Variants in GLRA1 observed in about 807,000 individuals in gnomAD.
GLRA1 encodes glycine receptor subunit alpha-1.
GLRA1 carries 37 observed loss-of-function variants against 48.3 expected under a neutral mutation model. The observed-to-expected ratio is 0.77, with a 90% CI of 0.59 to 1.01. GLRA1 has a LOEUF of 1.01. Ranked by LOEUF, GLRA1 falls within the 50% of genes least tolerant of loss-of-function variation. GLRA1 has a pLI of 0.00. For missense variants in GLRA1, 427 were observed against 571.0 expected (o/e 0.75, Z 2.57); for synonymous variants, 196 against 210.7 (o/e 0.93, Z 0.60).
rs182476621 is a variant in GLRA1, at chr5:151,859,404, A to G, written c.476+381T>C. On this transcript the variant is annotated intron_variant, in intron 4 of 8. Coordinates refer to ENST00000274576, the MANE Select transcript of GLRA1 (RefSeq NM_000171.4). Reference sequence around the variant, plus strand: ...CCGTGAGCAACACCATCCACCTGGCAGGCTCATTTACTTTGAAGTTGCTGT... The same window carrying G: ...CCGTGAGCAACACCATCCACCTGGCGGGCTCATTTACTTTGAAGTTGCTGT... 5.3e-5 allele frequency among the ~76,000 whole-genome samples: 8 copies of G among 152,322 alleles called. No homozygotes were observed. In the East Asian group the frequency reaches 1.5e-3, roughly 29 times the overall value.
intron 1 of GLRA1, among the ~76,000 whole-genome samples, chr5:151,910,550 C>T (rs552897159): frequency 4.6e-5 from 7 of 152,292 alleles, no homozygotes; most frequent in East Asian, 3.9e-4. Context: ...CTCCACTCCT[C>T]GTAATCATTC....
intron 7 of GLRA1, among the ~76,000 whole-genome samples, chr5:151,841,892 A>G (rs1379308071): frequency 6.6e-6 from 1 of 152,112 alleles, no homozygotes; most frequent in Non-Finnish European, 1.5e-5. Flanking sequence ...CCCCATCTCT[A>G]CTAAAAATAC....
chr5:151,856,483 G>T, intron 4 of GLRA1, 100 bp from the exon 5 acceptor site: 1 of 769,800 alleles, frequency 1.3e-6, no homozygotes, highest in Non-Finnish European at 2.4e-6. Context: ...CCAGGATAGG[G>T]AAAGAAGGTC....
At chr5:151,829,600 A>T (rs1763373672) in intron 7 of GLRA1, among the ~76,000 whole-genome samples, 2 of 152,362 alleles carry the variant, frequency 1.3e-5, no homozygotes, top group South Asian at 2.1e-4. Context: ...AGTGTTTAAA[A>T]GTGTTATTGA....
At chr5:151,869,405 T>C (rs1309725852) in intron 3 of GLRA1, among the ~76,000 whole-genome samples, 1 of 151,508 alleles carries the variant, frequency 6.6e-6, no homozygotes, top group Non-Finnish European at 1.5e-5. Context: ...CATAGAACTT[T>C]CTATGTATCA....
At chr5:151,906,629 T>G (rs1335265253) in intron 1 of GLRA1, among the ~76,000 whole-genome samples, 1 of 152,174 alleles carries the variant, frequency 6.6e-6, no homozygotes, top group Non-Finnish European at 1.5e-5. Flanking sequence ...AATAAAATAA[T>G]TTTTTTGAGT....
intron 3 of GLRA1, among the ~76,000 whole-genome samples, chr5:151,871,471 A>G (rs989324937): frequency 1.0e-5 from 1 of 95,846 alleles, no homozygotes; most frequent in Non-Finnish European, 2.3e-5. Flanking sequence ...AATTGGAGAG[A>G]TGTACTAATA....
intron 3 of GLRA1, among the ~76,000 whole-genome samples, chr5:151,881,461 G>T (rs1240135971): frequency 6.7e-6 from 1 of 149,950 alleles, no homozygotes; most frequent in Non-Finnish European, 1.5e-5. Context: ...GGAGTAGCTG[G>T]AACTACAAGC....
At chr5:151,860,864 T>C (rs566235983) in intron 3 of GLRA1, among the ~76,000 whole-genome samples, 1 of 152,356 alleles carries the variant, frequency 6.6e-6, no homozygotes, top group South Asian at 2.1e-4. Context: ...CTCCTAGTGC[T>C]ATCCCTCCCC....
intron 1 of GLRA1, among the ~76,000 whole-genome samples, chr5:151,909,266 A>C (rs1162857294): frequency 6.6e-6 from 1 of 152,226 alleles, no homozygotes; most frequent in Non-Finnish European, 1.5e-5. Context: ...AGCAAATTAC[A>C]CAAAGGGTGA....
chr5:151,822,668 A>T lies in GLRA1; in HGVS notation c.*5T>A, dbSNP rs747687321. ...CTCCCAGCCTCCCCCAACCTTTCAG[A>T]CCCTTCACTGGTTGTGGACGTCCTC... is the stretch of plus-strand genomic sequence containing the variant. On this transcript the variant is annotated 3_prime_UTR_variant, in exon 9 of 9. Coordinates refer to ENST00000274576, the MANE Select transcript of GLRA1 (RefSeq NM_000171.4). 4.4e-6 allele frequency: 7 copies of T among 1,603,300 alleles called. No individual in the cohort carries two copies. Among genetic ancestry groups the T allele is most frequent in the African/African-American group, 4.0e-5 (3 of 74,482 alleles).
At chr5:151,917,464 A>C (rs564785631) in intron 1 of GLRA1, among the ~76,000 whole-genome samples, 1 of 152,322 alleles carries the variant, frequency 6.6e-6, no homozygotes, top group East Asian at 1.9e-4. Context: ...TTGAGGTGTG[A>C]TTGACATACA....
chr5:151,822,552 T>G lies in GLRA1; in HGVS notation c.*121A>C. The G allele has an allele frequency of 1.3e-6, 1 of 750,962 alleles. No individual in the cohort carries two copies. The highest frequency in any genetic ancestry group is 2.6e-5 in the East Asian group (1 of 38,872). 46.5% of individuals were successfully genotyped at this position (750,962 alleles called of 1,614,324 possible). On this transcript the variant is annotated 3_prime_UTR_variant, in exon 9 of 9. Transcript: ENST00000274576. ...CACTGCATTTTGCTATTGCACATAT[T>G]GCAGAGAGAGTTGTGTAAGTGTGCC...
At chr5:151,860,175 A>G (rs370889887) in intron 3 of GLRA1, among the ~76,000 whole-genome samples, 167 bp from the exon 4 acceptor site, 2 of 152,296 alleles carry the variant, frequency 1.3e-5, no homozygotes, top group African/African-American at 4.8e-5. Flanking sequence ...AGGCAAAACC[A>G]TGGGAGTCAT....
intron 1 of GLRA1, among the ~76,000 whole-genome samples, chr5:151,899,386 G>A (rs1257787616): frequency 6.6e-6 from 1 of 152,172 alleles, no homozygotes; most frequent in African/African-American, 2.4e-5. Context: ...TTCAAATTGT[G>A]TATTCAGGGG....
At chr5:151,905,740 A>G (rs1754459426) in intron 1 of GLRA1, among the ~76,000 whole-genome samples, 1 of 148,094 alleles carries the variant, frequency 6.8e-6, no homozygotes, top group South Asian at 2.1e-4. Flanking sequence ...GTCAACGGTG[A>G]GTAAGTAAAA....
At chr5:151,881,309 CT>C (rs1753755155) in intron 3 of GLRA1, among the ~76,000 whole-genome samples, 1 of 139,916 alleles carries the variant, frequency 7.1e-6, no homozygotes, top group Non-Finnish European at 1.5e-5. Context: ...ACGTTTCTTT[CT>C]TTTTGTTTTT....
chr5:151,823,821 C>T (rs1763205485), intron 8 of GLRA1, among the ~76,000 whole-genome samples: 1 of 152,072 alleles, frequency 6.6e-6, no homozygotes, highest in African/African-American at 2.4e-5. Context: ...CTGCCCTGAT[C>T]CTTCTAGTTC....
intron 7 of GLRA1, among the ~76,000 whole-genome samples, chr5:151,842,087 G>A (rs1234707227): frequency 6.7e-6 from 1 of 149,152 alleles, no homozygotes; most frequent in African/African-American, 2.5e-5. Context: ...TAGAAACTTT[G>A]AATACACACA....
Sources: gnomAD v4.1 joint callset for allele counts (sites outside exome capture counted in the v4.1 genomes callset) on GRCh38, gnomAD v4.1.1 for gene constraint, MANE v1.5 for transcripts, NCBI Gene and HGNC (gene_info 2026-07-23, HGNC 2026-07-21) for gene names.